The following DLGAP1 variants were observed in gnomAD, a reference collection of about 807,000 sequenced individuals.
DLGAP1 encodes disks large-associated protein 1.
In DLGAP1, 11 loss-of-function variants were observed where a neutral mutation model predicts 90.8. The ratio of observed to expected loss-of-function variants is 0.12; its 90% CI spans 0.08 to 0.20. The LOEUF (loss-of-function observed/expected upper bound fraction) is 0.20, where lower values mean the gene tolerates loss of function less well. DLGAP1 is among the 10% of genes least tolerant of loss of function. The pLI is 1.00. For missense variants in DLGAP1, 1,050 were observed against 1,333.8 expected (o/e 0.79, Z 3.31); for synonymous variants, 558 against 540.7 (o/e 1.03, Z -0.44).
At chr18:4,194,347 G>GT (rs1273153920) in intron 1 of DLGAP1, among the ~76,000 whole-genome samples, 8 of 152,032 alleles carry the variant, frequency 5.3e-5, no homozygotes, top group Non-Finnish European at 1.2e-4. Flanking sequence ...ATATCTCTTG[G>GT]TATTGGTGAA....
intron 2 of DLGAP1, among the ~76,000 whole-genome samples, chr18:4,065,126 C>T (rs570756080): frequency 3.7e-4 from 56 of 152,150 alleles, no homozygotes; most frequent in African/African-American, 1.3e-3. Flanking sequence ...TAAAATTCAA[C>T]ATCCATTCAT....
At chr18:3,658,472 G>A (rs184980825) in intron 7 of DLGAP1, among the ~76,000 whole-genome samples, 6 of 152,254 alleles carry the variant, frequency 3.9e-5, no homozygotes, top group Admixed American at 2.6e-4. Flanking sequence ...CATAAAGGGG[G>A]TAATCATTTA....
chr18:4,026,214 C>A (rs2074696382), intron 2 of DLGAP1, among the ~76,000 whole-genome samples: 1 of 152,168 alleles, frequency 6.6e-6, no homozygotes, highest in Non-Finnish European at 1.5e-5. Context: ...TTAAGAAGTG[C>A]TAGAAAAAGG....
intron 2 of DLGAP1, among the ~76,000 whole-genome samples, chr18:4,131,055 C>G (rs1408483731): frequency 1.3e-5 from 2 of 152,048 alleles, no homozygotes; most frequent in African/African-American, 4.8e-5. Context: ...TGATCACAAA[C>G]AGCATTACAG....
At chr18:3,800,329 C>G (rs1218923558) in intron 5 of DLGAP1, among the ~76,000 whole-genome samples, 2 of 152,200 alleles carry the variant, frequency 1.3e-5, no homozygotes, top group African/African-American at 2.4e-5. Context: ...TTATGAATAT[C>G]TCTTTTTGTT....
At chr18:3,823,748 G>C (rs903944902) in intron 4 of DLGAP1, among the ~76,000 whole-genome samples, 12 of 151,892 alleles carry the variant, frequency 7.9e-5, no homozygotes, top group African/African-American at 2.9e-4. Flanking sequence ...TCAGGAGTTT[G>C]AGACCAGCCT....
At chr18:4,360,044 G>C (rs1039757419) in intron 1 of DLGAP1, among the ~76,000 whole-genome samples, 1 of 152,198 alleles carries the variant, frequency 6.6e-6, no homozygotes, top group Non-Finnish European at 1.5e-5. Context: ...CTCAGGTAAA[G>C]AGTTGTGTAG....
chr18:3,918,075 A>G (rs2072186759), intron 3 of DLGAP1, among the ~76,000 whole-genome samples: 1 of 152,198 alleles, frequency 6.6e-6, no homozygotes, highest in East Asian at 1.9e-4. Context: ...AATGAACTAG[A>G]GGATCTTATA....
At chr18:4,204,718 T>C (rs556759909) in intron 1 of DLGAP1, among the ~76,000 whole-genome samples, 5 of 152,270 alleles carry the variant, frequency 3.3e-5, no homozygotes, top group African/African-American at 1.2e-4. Context: ...ATTTGAAATG[T>C]AGATGAAGTA....
chr18:4,350,346 G>GA (rs1441385310), intron 1 of DLGAP1, among the ~76,000 whole-genome samples: 3 of 151,880 alleles, frequency 2.0e-5, no homozygotes, highest in East Asian at 1.9e-4. Context: ...TGTTTTTAAA[G>GA]AAAAAAACAA....
chr18:4,308,424 T>G (rs1286518865), intron 1 of DLGAP1, among the ~76,000 whole-genome samples: 1 of 152,224 alleles, frequency 6.6e-6, no homozygotes, highest in African/African-American at 2.4e-5. Flanking sequence ...ATGGCTGCTC[T>G]TTAAAATAAT....
intron 3 of DLGAP1, among the ~76,000 whole-genome samples, chr18:3,954,986 C>T (rs1050316052): frequency 1.3e-5 from 2 of 152,116 alleles, no homozygotes; most frequent in African/African-American, 4.8e-5. Flanking sequence ...ATTCTCAGGA[C>T]AGAGCACCAA....
At chr18:3,575,829 G>T (rs2055092077) in intron 8 of DLGAP1, among the ~76,000 whole-genome samples, 1 of 152,090 alleles carries the variant, frequency 6.6e-6, no homozygotes, top group South Asian at 2.1e-4. Flanking sequence ...ACCAGATAAA[G>T]TACTTGACTT....
At chr18:3,888,548 T>A (rs2071380586) in intron 3 of DLGAP1, among the ~76,000 whole-genome samples, 1 of 151,328 alleles carries the variant, frequency 6.6e-6, no homozygotes, top group African/African-American at 2.4e-5. Flanking sequence ...AAAGATATGG[T>A]ATTGTTAAAA....
At chr18:4,024,646 G>T (rs2074670069) in intron 2 of DLGAP1, among the ~76,000 whole-genome samples, 1 of 152,168 alleles carries the variant, frequency 6.6e-6, no homozygotes, top group Admixed American at 6.5e-5. Context: ...CCCAGAAAGG[G>T]GGGAGAAATA....
At chr18:3,650,525 G>C (rs60714490) in intron 7 of DLGAP1, among the ~76,000 whole-genome samples, 4 of 152,156 alleles carry the variant, frequency 2.6e-5, no homozygotes, top group Non-Finnish European at 5.9e-5. Flanking sequence ...ATACATCTGA[G>C]AAGAGAACAT....
chr18:4,426,694 C>G (rs559447443), intron 1 of DLGAP1, among the ~76,000 whole-genome samples: 1 of 152,328 alleles, frequency 6.6e-6, no homozygotes. Context: ...GAAAATACAT[C>G]TAACACACGA....
At chr18:3,533,828 G>A (rs1298819978) in intron 10 of DLGAP1, among the ~76,000 whole-genome samples, 1 of 152,166 alleles carries the variant, frequency 6.6e-6, no homozygotes, top group Admixed American at 6.5e-5. Flanking sequence ...GAGATGTTTT[G>A]ATTAGAATTA....
At chr18:3,957,636 T>C (rs1467840906) in intron 3 of DLGAP1, among the ~76,000 whole-genome samples, 1 of 152,226 alleles carries the variant, frequency 6.6e-6, no homozygotes, top group Non-Finnish European at 1.5e-5. Context: ...AAAAATTACA[T>C]TTTCTGCTTC....
Sources: gnomAD v4.1 joint callset for allele counts (sites outside exome capture counted in the v4.1 genomes callset) on GRCh38, gnomAD v4.1.1 for gene constraint, MANE v1.5 for transcripts, NCBI Gene and HGNC (gene_info 2026-07-23, HGNC 2026-07-21) for gene names.